AKR1C8: variants seen among roughly 807,000 people sequenced by gnomAD.
The protein encoded by AKR1C8 is aldo-keto reductase family 1 member C8.
chr10:5,143,043 T>C, the AKR1C8 span, among the ~76,000 whole-genome samples: 14 of 152,146 alleles, frequency 9.2e-5, no homozygotes, highest in Non-Finnish European at 1.8e-4. Flanking sequence ...AGGTGCCAAC[T>C]GGATTGGATT....
the AKR1C8 span, among the ~76,000 whole-genome samples, chr10:5,129,280 C>T: frequency 6.6e-6 from 1 of 151,976 alleles, no homozygotes; most frequent in Non-Finnish European, 1.5e-5. Flanking sequence ...AAAAGCAGTG[C>T]TAAGAGGCAA....
chr10:5,155,352 T>G, the AKR1C8 span: 1 of 152,654 alleles, frequency 6.6e-6, no homozygotes, highest in African/African-American at 2.4e-5. Context: ...TGGGCCCCTA[T>G]AGGTTTGTAG....
At chr10:5,176,747 A>T in the AKR1C8 span, among the ~76,000 whole-genome samples, 31,190 of 151,950 alleles carry the variant, frequency 0.21, 3,998 homozygotes, top group East Asian at 0.63. Context: ...GCAATCGTGA[A>T]TGGGAGTTCA....
At chr10:5,151,962 T>G in the AKR1C8 span, among the ~76,000 whole-genome samples, 1 of 152,164 alleles carries the variant, frequency 6.6e-6, no homozygotes. Flanking sequence ...ATAGTAGGAA[T>G]AGAGTTGACC....
the AKR1C8 span, among the ~76,000 whole-genome samples, chr10:5,134,851 G>A: frequency 4.6e-5 from 7 of 152,260 alleles, no homozygotes; most frequent in East Asian, 7.7e-4. Flanking sequence ...GCCAGGCAGC[G>A]TTCTTCACTC....
the AKR1C8 span, among the ~76,000 whole-genome samples, chr10:5,119,656 C>G: frequency 1.3e-5 from 2 of 152,068 alleles, no homozygotes. Context: ...GGCAGGCGAA[C>G]AGAAACTATA....
the AKR1C8 span, among the ~76,000 whole-genome samples, chr10:5,125,222 TA>T: frequency 2.6e-5 from 4 of 152,104 alleles, no homozygotes; most frequent in Non-Finnish European, 5.9e-5. Context: ...TGTTTATGGT[TA>T]AAAATAAGAG....
At chr10:5,183,790 A>T in the AKR1C8 span, among the ~76,000 whole-genome samples, 17 of 152,210 alleles carry the variant, frequency 1.1e-4, no homozygotes, top group Non-Finnish European at 2.4e-4. Context: ...AGATAAGGAA[A>T]CTTACACAAA....
the AKR1C8 span, among the ~76,000 whole-genome samples, chr10:5,148,214 G>A: frequency 2.0e-5 from 3 of 152,040 alleles, no homozygotes; most frequent in African/African-American, 7.2e-5. Flanking sequence ...TAGTATAGGA[G>A]ATAGAGAGGA....
chr10:5,138,079 G>A, the AKR1C8 span, among the ~76,000 whole-genome samples: 3 of 151,316 alleles, frequency 2.0e-5, no homozygotes, highest in African/African-American at 7.3e-5. Context: ...GTTCAGCGGT[G>A]CACGTACTGT....
the AKR1C8 span, among the ~76,000 whole-genome samples, chr10:5,118,909 T>C: frequency 1.2e-4 from 18 of 147,516 alleles, no homozygotes; most frequent in African/African-American, 4.3e-4. Flanking sequence ...TATCTCTATA[T>C]GCCAACACTG....
At chr10:5,156,591 CTTCT>C in the AKR1C8 span, among the ~76,000 whole-genome samples, 13 of 150,684 alleles carry the variant, frequency 8.6e-5, no homozygotes. Context: ...ATCCGTCCAT[CTTCT>C]TTCTATCTAC....
chr10:5,169,930 T>A, the AKR1C8 span, among the ~76,000 whole-genome samples: 5 of 152,106 alleles, frequency 3.3e-5, no homozygotes, highest in African/African-American at 1.2e-4. Flanking sequence ...TTGACAATGA[T>A]ATTTAGGACA....
At chr10:5,133,172 C>G in the AKR1C8 span, among the ~76,000 whole-genome samples, 2 of 152,184 alleles carry the variant, frequency 1.3e-5, no homozygotes, top group South Asian at 4.2e-4. Flanking sequence ...AAACTCTGCC[C>G]CTCCCCCACT....
At chr10:5,163,996 TA>T in the AKR1C8 span, among the ~76,000 whole-genome samples, 217 of 152,306 alleles carry the variant, frequency 1.4e-3, no homozygotes, top group African/African-American at 4.5e-3. Flanking sequence ...TGTGGACGTG[TA>T]CACTGTGGGC....
the AKR1C8 span, among the ~76,000 whole-genome samples, chr10:5,153,822 G>A: frequency 5.9e-5 from 9 of 152,120 alleles, no homozygotes; most frequent in Non-Finnish European, 1.2e-4. Flanking sequence ...ATATTTGTGT[G>A]GGGACACAGA....
chr10:5,167,335 A>G, the AKR1C8 span, among the ~76,000 whole-genome samples: 20 of 152,290 alleles, frequency 1.3e-4, no homozygotes, highest in South Asian at 6.2e-4. Context: ...ACATGCACAC[A>G]TATGTTTATT....
At chr10:5,183,174 CA>C in the AKR1C8 span, among the ~76,000 whole-genome samples, 1 of 151,834 alleles carries the variant, frequency 6.6e-6, no homozygotes, top group Non-Finnish European at 1.5e-5. Flanking sequence ...CTGACTACAA[CA>C]AAAAATAAAA....
At chr10:5,145,434 C>G in the AKR1C8 span, among the ~76,000 whole-genome samples, 2 of 151,992 alleles carry the variant, frequency 1.3e-5, no homozygotes, top group Non-Finnish European at 2.9e-5. Context: ...AGAAAATTTT[C>G]GCAACCTACT....
Sources: gnomAD v4.1 joint callset for allele counts (sites outside exome capture counted in the v4.1 genomes callset) on GRCh38, gnomAD v4.1.1 for gene constraint, MANE v1.5 for transcripts, NCBI Gene and HGNC (gene_info 2026-07-23, HGNC 2026-07-21) for gene names.